AGBL4: variants seen among roughly 807,000 people sequenced by gnomAD.
AGBL4 encodes cytosolic carboxypeptidase 6.
AGBL4 carries 58 observed loss-of-function variants against 66.4 expected under a neutral mutation model. The ratio of observed to expected loss-of-function variants is 0.87; its 90% CI spans 0.71 to 1.09. The LOEUF (loss-of-function observed/expected upper bound fraction) is 1.09. AGBL4 is among the 50% of genes least tolerant of loss of function. The pLI is 0.00. For synonymous variants in AGBL4, 234 were observed against 222.9 expected (o/e 1.05, Z -0.44); for missense variants, 579 against 631.0 (o/e 0.92, Z 0.88).
intron 3 of AGBL4, among the ~76,000 whole-genome samples, chr1:49,661,715 C>T (rs566704519): frequency 2.0e-5 from 3 of 152,176 alleles, no homozygotes; most frequent in East Asian, 1.9e-4. Flanking sequence ...GTTGGCCAGC[C>T]GTTGTACACT....
intron 1 of AGBL4, among the ~76,000 whole-genome samples, chr1:49,912,761 C>T (rs760966087): frequency 1.3e-5 from 2 of 152,176 alleles, no homozygotes; most frequent in Non-Finnish European, 2.9e-5. Flanking sequence ...CCTTATTTGG[C>T]TCAACAGTTC....
intron 3 of AGBL4, among the ~76,000 whole-genome samples, chr1:49,282,187 T>C (rs962409541): frequency 3.9e-5 from 6 of 152,224 alleles, no homozygotes; most frequent in African/African-American, 1.4e-4. Context: ...AGGCGTTCTG[T>C]GTTGAGTGTT....
At chr1:49,041,745 T>C (rs970263669) in intron 5 of AGBL4, among the ~76,000 whole-genome samples, 2 of 152,166 alleles carry the variant, frequency 1.3e-5, no homozygotes, top group Non-Finnish European at 2.9e-5. Flanking sequence ...TGAATCTGAA[T>C]AAAGGATGCA....
intron 2 of AGBL4, among the ~76,000 whole-genome samples, chr1:49,738,122 G>T (rs1650059098): frequency 6.6e-6 from 1 of 152,250 alleles, no homozygotes; most frequent in African/African-American, 2.4e-5. Context: ...CCCTCACCCG[G>T]GAAGAGAAAG....
intron 3 of AGBL4, among the ~76,000 whole-genome samples, chr1:49,541,425 G>A (rs2148824554): frequency 6.6e-6 from 1 of 152,302 alleles, no homozygotes; most frequent in African/African-American, 2.4e-5. Context: ...CCTGCACTAG[G>A]AGCAGTCAGC....
chr1:48,665,022 C>T (rs1046292593), intron 6 of AGBL4, among the ~76,000 whole-genome samples: 1 of 152,222 alleles, frequency 6.6e-6, no homozygotes, highest in African/African-American at 2.4e-5. Flanking sequence ...CCAACAGTCA[C>T]TGCACCAATG....
At chr1:48,975,407 C>A (rs1659238165) in intron 5 of AGBL4, among the ~76,000 whole-genome samples, 1 of 152,130 alleles carries the variant, frequency 6.6e-6, no homozygotes, top group South Asian at 2.1e-4. Context: ...CCCAAAATTA[C>A]TGTGGTCAAT....
At chr1:49,492,170 C>T (rs1647200572) in intron 3 of AGBL4, among the ~76,000 whole-genome samples, 1 of 151,724 alleles carries the variant, frequency 6.6e-6, no homozygotes, top group South Asian at 2.1e-4. Context: ...TATTATTGAC[C>T]TTCTGATAAC....
chr1:48,587,620 T>C (rs1013680449), intron 10 of AGBL4, among the ~76,000 whole-genome samples: 2 of 138,324 alleles, frequency 1.4e-5, no homozygotes, highest in East Asian at 1.9e-4. Context: ...ATTATTATTT[T>C]ATTTATTTTA....
At chr1:49,916,351 ATGAC>A (rs1651490689) in intron 1 of AGBL4, among the ~76,000 whole-genome samples, 1 of 152,174 alleles carries the variant, frequency 6.6e-6, no homozygotes, top group African/African-American at 2.4e-5. Flanking sequence ...GATTAGATGA[ATGAC>A]TAACTACAAT....
At chr1:49,655,095 G>C (rs1415871293) in intron 3 of AGBL4, among the ~76,000 whole-genome samples, 1 of 152,078 alleles carries the variant, frequency 6.6e-6, no homozygotes, top group African/African-American at 2.4e-5. Context: ...TCCATGTTTA[G>C]TGCTTCCTTC....
In AGBL4 at chr1:49,316,276, A is replaced by AT. The variant is rs144649805; in HGVS notation, c.283-70413_283-70412insA. Among the ~76,000 whole-genome samples, 472 of 152,182 alleles carry AT rather than the reference A, an allele frequency of 3.1e-3. 3 individuals carry two copies. Among genetic ancestry groups the AT allele is most frequent in the African/African-American group, 0.011 (457 of 41,566 alleles). On this transcript the variant is annotated intron_variant, in intron 3 of 13. Transcript: ENST00000371839. ...GTAACAATGGATTTTATTTAATAAC[A>AT]ATGTATGAATATTGACTCATCAGTT...
intron 1 of AGBL4, among the ~76,000 whole-genome samples, chr1:49,880,528 C>A (rs1372063465): frequency 1.3e-5 from 2 of 152,080 alleles, no homozygotes; most frequent in South Asian, 2.1e-4. Context: ...CTCAGATCTC[C>A]AGCTGCGTGC....
intron 2 of AGBL4, among the ~76,000 whole-genome samples, chr1:49,713,414 T>C (rs934119638): frequency 1.3e-5 from 2 of 152,090 alleles, no homozygotes; most frequent in African/African-American, 4.8e-5. Context: ...GATAGTTCTA[T>C]ACAATTCATT....
intron 3 of AGBL4, among the ~76,000 whole-genome samples, chr1:49,643,941 T>C (rs1179450750): frequency 1.3e-5 from 2 of 151,706 alleles, no homozygotes; most frequent in African/African-American, 2.4e-5. Context: ...GACTTTTTCC[T>C]TATTGGTTAG....
At chr1:49,085,309 T>G (rs994232676) in intron 4 of AGBL4, among the ~76,000 whole-genome samples, 14 of 146,484 alleles carry the variant, frequency 9.6e-5, no homozygotes, top group African/African-American at 3.3e-4. Context: ...TCATCATCAT[T>G]CTCTTGCCCC....
intron 2 of AGBL4, among the ~76,000 whole-genome samples, chr1:49,703,544 C>T (rs944567513): frequency 7.3e-4 from 110 of 151,080 alleles, no homozygotes; most frequent in African/African-American, 2.5e-3. Context: ...AAAACACTTC[C>T]ATCAAACTTC....
chr1:48,688,828 A>T (rs2148489360), intron 6 of AGBL4, among the ~76,000 whole-genome samples: 1 of 151,960 alleles, frequency 6.6e-6, no homozygotes, highest in African/African-American at 2.4e-5. Flanking sequence ...TAGAAATTCT[A>T]AAAAGGAGAC....
chr1:49,434,963 C>CA (rs2148661201), intron 3 of AGBL4, among the ~76,000 whole-genome samples: 1 of 152,170 alleles, frequency 6.6e-6, no homozygotes, highest in East Asian at 1.9e-4. Context: ...GACATTGGCA[C>CA]AAGTTCTTCT....
Sources: allele counts gnomAD v4.1 joint callset (sites outside exome capture counted in the v4.1 genomes callset), GRCh38; gene constraint gnomAD v4.1.1; transcripts MANE v1.5; gene names NCBI Gene and HGNC (gene_info 2026-07-23, HGNC 2026-07-21).